APBB1: variants seen among roughly 807,000 people sequenced by gnomAD.
The protein encoded by APBB1 is adaptor protein FE65a2.
Under a neutral mutation model 78.4 loss-of-function variants are expected in APBB1, and 22 were observed. That is an observed-to-expected ratio of 0.28 (90% CI 0.20 to 0.40). The LOEUF is 0.40. APBB1 is among the 10% of genes least tolerant of loss of function. The pLI is 1.00. For missense variants in APBB1, 749 were observed against 932.4 expected (o/e 0.80, Z 2.56); for synonymous variants, 369 against 372.7 (o/e 0.99, Z 0.12).
In APBB1 at chr11:6,401,458, G is replaced by A. The variant is rs1214803407; in HGVS notation, c.1504-29C>T. ...AGGAAGGAAGGGAGGCGAGGAGCCA[G>A]GGAGAATCTATTAGAGCCTCATTGC... On this transcript the variant is annotated intron_variant, in intron 10 of 14. Coordinates refer to ENST00000609360, the MANE Select transcript of APBB1 (RefSeq NM_001164.5). The surrounding 1 kb of genome is among the most constrained non-coding windows in gnomAD (Gnocchi z 4.5). 1 of 1,612,966 alleles carries A rather than the reference G, an allele frequency of 6.2e-7. No homozygotes were observed. The highest frequency in any genetic ancestry group is 1.1e-5 in the South Asian group (1 of 91,064).
At chr11:6,418,287 T>A (rs944579040) in intron 1 of APBB1, among the ~76,000 whole-genome samples, 5 of 151,848 alleles carry the variant, frequency 3.3e-5, no homozygotes, top group African/African-American at 1.2e-4. Context: ...CACAAGGAGG[T>A]CTCCGGTGAC....
intron 2 of APBB1, among the ~76,000 whole-genome samples, chr11:6,405,973 C>T (rs1848785211): frequency 6.6e-6 from 1 of 152,202 alleles, no homozygotes; most frequent in South Asian, 2.1e-4. Flanking sequence ...AGTTCACCAT[C>T]TCCTGACTGA....
intron 1 of APBB1, among the ~76,000 whole-genome samples, 182 bp downstream of exon 1, chr11:6,418,803 C>A (rs1378071297): frequency 6.6e-6 from 1 of 152,182 alleles, no homozygotes; most frequent in East Asian, 1.9e-4. Flanking sequence ...CCCGAGTGGA[C>A]CCTGCGATGG....
chr11:6,398,625 C>A (rs917458564), intron 12 of APBB1, among the ~76,000 whole-genome samples: 1 of 152,144 alleles, frequency 6.6e-6, no homozygotes, highest in African/African-American at 2.4e-5. Flanking sequence ...GAAGAGCCAA[C>A]AAGGGTTTAG....
chr11:6,402,901 AC>A, intron 6 of APBB1, 176 bp from the exon 7 acceptor site: 1 of 843,686 alleles, frequency 1.2e-6, no homozygotes, highest in Non-Finnish European at 1.8e-6. Context: ...GTCAGATGAG[AC>A]CCCAGCTAGT....
At chr11:6,402,477 C>A in intron 7 of APBB1, 99 bp downstream of exon 7, 1 of 1,370,098 alleles carries the variant, frequency 7.3e-7, no homozygotes, top group Non-Finnish European at 1.0e-6. Flanking sequence ...CAATATCCCC[C>A]TTCCCCAGCC....
At chr11:6,412,419 G>C (rs1590790285) in intron 1 of APBB1, among the ~76,000 whole-genome samples, 1 of 152,126 alleles carries the variant, frequency 6.6e-6, no homozygotes, top group South Asian at 2.1e-4. Flanking sequence ...CCAAAGTGCT[G>C]GGATTACAGG....
At chr11:6,414,109 T>A (rs1378595173) in intron 1 of APBB1, among the ~76,000 whole-genome samples, 1 of 152,146 alleles carries the variant, frequency 6.6e-6, no homozygotes, top group Non-Finnish European at 1.5e-5. Flanking sequence ...AGCCGGCCTC[T>A]ATAACCTGTC....
In APBB1 at chr11:6,396,221, A is replaced by T. The variant is rs1327607020; in HGVS notation, c.1673-6T>A. On this transcript the variant is annotated splice_polypyrimidine_tract_variant and splice_region_variant and intron_variant, in intron 12 of 14. Transcript: ENST00000609360. The stretch of plus-strand genomic sequence containing the variant: ...CCCATTAATCACATCTACCCCTAGA[A>T]CATATGGACACAAGATACCACTGAG... 1 of 1,549,208 alleles carries T rather than the reference A, an allele frequency of 6.5e-7. No homozygotes were observed. Among genetic ancestry groups the T allele is most frequent in the Admixed American group, 2.0e-5 (1 of 50,664 alleles).
chr11:6,413,022 C>T (rs1849016440), intron 1 of APBB1, among the ~76,000 whole-genome samples: 1 of 152,062 alleles, frequency 6.6e-6, no homozygotes, highest in Non-Finnish European at 1.5e-5. Context: ...CCCTCGGCCC[C>T]ATTCCATCCT....
At chr11:6,407,251 G>A (rs574297423) in intron 2 of APBB1, among the ~76,000 whole-genome samples, 1 of 152,276 alleles carries the variant, frequency 6.6e-6, no homozygotes, top group Middle Eastern at 3.4e-3. Context: ...GTCTCCACCA[G>A]TGCATGATCC....
intron 12 of APBB1, among the ~76,000 whole-genome samples, chr11:6,400,780 G>A (rs1848460830): frequency 1.3e-5 from 2 of 152,206 alleles, no homozygotes; most frequent in Admixed American, 1.3e-4. Flanking sequence ...TCACGTGGCT[G>A]ATGCTCAGCG....
At chr11:6,404,580 A>G (rs542715988) in intron 2 of APBB1, 2 of 1,535,816 alleles carry the variant, frequency 1.3e-6, no homozygotes, top group Admixed American at 3.9e-5. Flanking sequence ...AGATGCAAGC[A>G]AACATGTCAT....
Position 6,401,837 on chromosome 11 carries a change from G to A in APBB1, c.1388+140C>T. The A allele has an allele frequency of 7.0e-7, 1 of 1,422,536 alleles. No individual in the cohort carries two copies. The highest frequency in any genetic ancestry group is 1.2e-5 in the South Asian group (1 of 84,024). The allele number at this position is 1,422,536 out of a possible 1,614,324, so 88.1% of individuals were successfully genotyped here. A position where few individuals can be genotyped will look rare whatever the true frequency, so the allele number is the denominator to read the frequency against. ...CCATAGGTGCTGCCTTCTTGGGGGGGAGGGGTAGACAGGCAAGCATGCTGA... is the reference window on the plus strand; with the variant it reads ...CCATAGGTGCTGCCTTCTTGGGGGGAAGGGGTAGACAGGCAAGCATGCTGA... On this transcript the variant is annotated intron_variant, in intron 9 of 14. Transcript: ENST00000609360. The surrounding 1 kb of genome is among the most constrained non-coding windows in gnomAD (Gnocchi z 4.5).
rs750764592 is a variant in APBB1 at position 6,403,233 on chromosome 11, C to T, written c.1041-25G>A. 43 of 1,611,338 alleles carry T rather than the reference C, an allele frequency of 2.7e-5. No homozygotes were observed. Among genetic ancestry groups the T allele is most frequent in the East Asian group, 2.2e-5 (1 of 44,866 alleles). On this transcript the variant is annotated intron_variant, in intron 5 of 14. Coordinates refer to ENST00000609360, the MANE Select transcript of APBB1 (RefSeq NM_001164.5). This position sits in a 1 kb window ranked among gnomAD's most constrained non-coding sequence, Gnocchi z 5.3. ...GCTGAAGGCAGATGGTAATACTTGGCACAGGGCTCCCATAAATGGAGCTGT... is the reference window on the plus strand; with the variant it reads ...GCTGAAGGCAGATGGTAATACTTGGTACAGGGCTCCCATAAATGGAGCTGT...
At position 6,411,959 on chromosome 11, in the gene APBB1, G is replaced by T. The variant is rs1014440916; in HGVS notation, c.-14-598C>A. On this transcript the variant is annotated intron_variant, in intron 1 of 14. Coordinates refer to ENST00000609360, the MANE Select transcript of APBB1 (RefSeq NM_001164.5). The surrounding 1 kb of genome is among the most constrained non-coding windows in gnomAD (Gnocchi z 5.2). ...TGGCACTGGAAGGCAGGTCACAGAG[G>T]GAGGGCGCTCGGCTGCAATTCATGG... 6.6e-6 allele frequency among the ~76,000 whole-genome samples: 1 copy of T among 152,246 alleles called. No individual in the cohort carries two copies. The highest frequency in any genetic ancestry group is 2.4e-5 in the African/African-American group (1 of 41,464).
At position 6,411,451 on chromosome 11, in the gene APBB1, C is replaced by G; in HGVS notation, c.-14-90G>C. 8.5e-7 allele frequency: 1 copy of G among 1,181,930 alleles called. No individual in the cohort carries two copies. The highest frequency in any genetic ancestry group is 1.5e-5 in the South Asian group (1 of 66,270). 73.2% of individuals were successfully genotyped at this position (1,181,930 alleles called of 1,614,324 possible). ...GCCCCAGGGCTATGCCCTGTGCCTCCTCATCTCCCTGCACTAAGCAGGCTA... is the reference window on the plus strand; with the variant it reads ...GCCCCAGGGCTATGCCCTGTGCCTCGTCATCTCCCTGCACTAAGCAGGCTA... On this transcript the variant is annotated intron_variant, in intron 1 of 14. Coordinates refer to ENST00000609360, the MANE Select transcript of APBB1 (RefSeq NM_001164.5). This position sits in a 1 kb window ranked among gnomAD's most constrained non-coding sequence, Gnocchi z 5.2.
At position 6,408,556 on chromosome 11, in the gene APBB1, G is replaced by A. The variant is rs1029784854; in HGVS notation, c.721+2071C>T. On this transcript the variant is annotated intron_variant, in intron 2 of 14. Transcript: ENST00000609360. ...TCTCGCTCTTATTGCCCAGGCTGGA[G>A]TACAATGGCTCTATCTCAGCTCACC... 2.0e-5 allele frequency among the ~76,000 whole-genome samples: 3 copies of A among 150,624 alleles called. 1 individual carries two copies. Among genetic ancestry groups the A allele is most frequent in the South Asian group, 4.2e-4 (2 of 4,770 alleles).
Position 6,411,276 on chromosome 11 carries a change from T to G in APBB1, c.72A>C (p.Leu24=), listed in dbSNP as rs757985239. 1 of 1,599,260 alleles carries G rather than the reference T, an allele frequency of 6.3e-7. No individual in the cohort carries two copies. Among genetic ancestry groups the G allele is most frequent in the South Asian group, 1.1e-5 (1 of 89,178 alleles). The change falls in exon 2 of 15, where the codon CTA becomes CTC. Residue 24 remains leucine, a synonymous_variant. Coordinates refer to ENST00000609360, the MANE Select transcript of APBB1 (RefSeq NM_001164.5). The surrounding 1 kb of genome is among the most constrained non-coding windows in gnomAD (Gnocchi z 5.2). ...TGTGGGCAGCGTGCAGAGGCAGGGGTAGGCTCAGTGCGGGGCCTCCGTGGC... is the reference window on the plus strand; with the variant it reads ...TGTGGGCAGCGTGCAGAGGCAGGGGGAGGCTCAGTGCGGGGCCTCCGTGGC... ...ANSHGGPALS[L]PLPLHAAHNQ...
Sources: allele counts gnomAD v4.1 joint callset (sites outside exome capture counted in the v4.1 genomes callset), GRCh38; gene constraint gnomAD v4.1.1; non-coding constraint Gnocchi (gnomAD v3.1); transcripts MANE v1.5; gene names NCBI Gene and HGNC (gene_info 2026-07-23, HGNC 2026-07-21).